ACHE: variants seen among roughly 807,000 people sequenced by gnomAD.
The protein encoded by ACHE is acetylcholinesterase (Yt blood group).
In ACHE, 19 loss-of-function variants were observed where a neutral mutation model predicts 53.9. That is an observed-to-expected ratio of 0.35 (90% CI 0.25 to 0.52). The LOEUF is 0.52. Among genes scored for constraint, ACHE ranks in the 20% least tolerant of loss-of-function variants. The pLI, the probability that ACHE is intolerant of heterozygous loss-of-function variation, is 0.95. For synonymous variants in ACHE, 392 were observed against 378.1 expected (o/e 1.04, Z -0.43); for missense variants, 605 against 849.4 (o/e 0.71, Z 3.58).
rs1017036898 is a variant in ACHE at position 100,890,654 on chromosome 7, G to A, written c.1724-319C>T. On this transcript the variant is annotated intron_variant, in intron 4 of 4. Coordinates refer to ENST00000241069, the MANE Select transcript of ACHE (RefSeq NM_000665.5). The stretch of plus-strand genomic sequence containing the variant: ...GAGACAGAAATGGTTGACCGTTATA[G>A]CCCCAATGGGGGGTGCTACCCCGTC... The A allele has an allele frequency of 3.6e-6, 5 of 1,376,216 alleles. No homozygotes were observed. In the African/African-American group the frequency reaches 7.3e-5, roughly 20 times the overall value. 85.3% of individuals were successfully genotyped at this position (1,376,216 alleles called of 1,614,324 possible).
chr7:100,890,461 C>G (rs1156790447), intron 4 of ACHE, 126 bp from the exon 5 acceptor site: 16 of 1,470,852 alleles, frequency 1.1e-5, no homozygotes, highest in Non-Finnish European at 1.4e-5. Context: ...ATGCAGGCGA[C>G]CACGTGGGAC....
chr7:100,894,344 C>T, intron 1 of ACHE, 92 bp from the exon 2 acceptor site: 2 of 879,032 alleles, frequency 2.3e-6, no homozygotes, highest in Non-Finnish European at 1.6e-6. Flanking sequence ...GGTTATCGCT[C>T]AGCTGCAGAG....
chr7:100,891,890 C>T (rs1790723592), intron 3 of ACHE, among the ~76,000 whole-genome samples: 1 of 151,106 alleles, frequency 6.6e-6, no homozygotes, highest in Non-Finnish European at 1.5e-5. Flanking sequence ...AAGCAATCCT[C>T]CTGCCTCACC....
chr7:100,892,798 C>G lies in ACHE; in HGVS notation c.1089G>C (p.Lys363Asn). The change falls in exon 3 of 5, where the codon AAG (lysine) becomes AAC (asparagine). Residue 363 changes from lysine to asparagine, a missense_variant. Transcript: ENST00000241069. This position sits in a 1 kb window ranked among gnomAD's most constrained non-coding sequence, Gnocchi z 5.2. ...HGLQVLVGVV[K>N]DEGSYFLVYG... ...AAACCAGAAAATACGAGCCCTCATCCTTCACCACACCCACCAGCACCTGGG... is the reference window on the plus strand; with the variant it reads ...AAACCAGAAAATACGAGCCCTCATCGTTCACCACACCCACCAGCACCTGGG... 1 of 1,587,756 alleles carries G rather than the reference C, an allele frequency of 6.3e-7. No individual in the cohort carries two copies. Among genetic ancestry groups the G allele is most frequent in the Non-Finnish European group, 8.5e-7 (1 of 1,170,352 alleles).
In ACHE at chr7:100,894,358, G is replaced by A. The variant is rs1203113543; in HGVS notation, c.-20-106C>T. 6 of 762,004 alleles carry A rather than the reference G, an allele frequency of 7.9e-6. No homozygotes were observed. In the Admixed American group the frequency reaches 1.8e-4, roughly 23 times the overall value. 47.2% of individuals were successfully genotyped at this position (762,004 alleles called of 1,614,324 possible). Reference sequence around the variant, plus strand: ...GGGTTATCGCTCAGCTGCAGAGGAGGTGGGGCAGGTTGGCAAAGATGAGGG... The same window carrying A: ...GGGTTATCGCTCAGCTGCAGAGGAGATGGGGCAGGTTGGCAAAGATGAGGG... On this transcript the variant is annotated intron_variant, in intron 1 of 4. Coordinates refer to ENST00000241069, the MANE Select transcript of ACHE (RefSeq NM_000665.5).
At chr7:100,895,096 C>G (rs1378059288) in intron 1 of ACHE, among the ~76,000 whole-genome samples, 2 of 152,068 alleles carry the variant, frequency 1.3e-5, no homozygotes, top group Admixed American at 1.3e-4. Flanking sequence ...CCTGCGTTCC[C>G]GGGACTCCGG....
rs1790668751 is a variant in ACHE at position 100,891,233 on chromosome 7, C to T, written c.1659G>A (p.Arg553=). 6.2e-7 allele frequency: 1 copy of T among 1,611,520 alleles called. No individual in the cohort carries two copies. Among genetic ancestry groups the T allele is most frequent in the Non-Finnish European group, 8.5e-7 (1 of 1,179,634 alleles). ...AGGCGCAGGCCTGGGCGCGCAGCCCCCGCCGCACCTCCAGCGGCCGCAGGT... is the reference window on the plus strand; with the variant it reads ...AGGCGCAGGCCTGGGCGCGCAGCCCTCGCCGCACCTCCAGCGGCCGCAGGT... ...SLDLRPLEVR[R]GLRAQACAFW... Residue 553 remains arginine (R), a synonymous_variant, in exon 4 of 5, where the codon CGG becomes CGA. Coordinates refer to ENST00000241069, the MANE Select transcript of ACHE (RefSeq NM_000665.5).
Position 100,893,771 on chromosome 7 carries a change from G to A in ACHE, c.462C>T (p.Phe154=). 6.2e-7 allele frequency: 1 copy of A among 1,613,816 alleles called. No individual in the cohort carries two copies. Among genetic ancestry groups the A allele is most frequent in the Non-Finnish European group, 8.5e-7 (1 of 1,180,032 alleles). The change falls in exon 2 of 5, where the codon TTC becomes TTT. Residue 154 remains phenylalanine (F), a synonymous_variant. Coordinates refer to ENST00000241069, the MANE Select transcript of ACHE (RefSeq NM_000665.5). ...CGTCCAAGGAGGAGGCCCCACTGTA[G>A]AAGCCACCCCCATAGATCCAGACGA... is the stretch of plus-strand genomic sequence containing the variant. ...PVLVWIYGGG[F]YSGASSLDVY...
At chr7:100,896,755 G>A, upstream of ACHE, 1 of 324,682 alleles carries the variant, frequency 3.1e-6, no homozygotes, top group Non-Finnish European at 6.6e-6. Flanking sequence ...GCTGGCAGGT[G>A]GGAGCGGCCT....
At chr7:100,890,417 G>A (rs918278413) in intron 4 of ACHE, 82 bp from the exon 5 acceptor site, 33 of 1,538,270 alleles carry the variant, frequency 2.1e-5, no homozygotes, top group Admixed American at 5.8e-5. Flanking sequence ...CGGGTTGAAG[G>A]GGGGGTATGA....
In ACHE at chr7:100,890,438, G is replaced by A. The variant is rs902582981; in HGVS notation, c.1724-103C>T. 3.4e-6 allele frequency: 5 copies of A among 1,490,096 alleles called. No homozygotes were observed. In the African/African-American group the frequency reaches 5.5e-5, roughly 17 times the overall value. 92.3% of individuals were successfully genotyped at this position (1,490,096 alleles called of 1,614,324 possible). On this transcript the variant is annotated intron_variant, in intron 4 of 4. Transcript: ENST00000241069. The stretch of plus-strand genomic sequence containing the variant: ...GAAGGGGGGGTATGAGTGCAGGGAG[G>A]ACGCACGGAGAAATGCAGGCGACCA...
At chr7:100,894,454 T>C in intron 1 of ACHE, 9 of 393,446 alleles carry the variant, frequency 2.3e-5, no homozygotes, top group East Asian at 1.2e-4. Context: ...GGGAAAGAGA[T>C]CAGGCAGACA....
intron 1 of ACHE, 54 bp from the exon 2 acceptor site, chr7:100,894,306 G>A (rs1321752725): frequency 1.5e-6 from 2 of 1,298,918 alleles, no homozygotes; most frequent in Admixed American, 3.3e-5. Flanking sequence ...AGCCAGGAGG[G>A]AGGAGATTAG....
At chr7:100,896,842 C>A, upstream of ACHE, 1 of 197,392 alleles carries the variant, frequency 5.1e-6, no homozygotes, top group Non-Finnish European at 1.1e-5. Flanking sequence ...CAGGAGTTCA[C>A]CCGTGTGGAC....
rs533264163 is a variant in ACHE at position 100,893,406 on chromosome 7, C to T, written c.827G>A (p.Arg276His). 19 of 1,611,774 alleles carry T rather than the reference C, an allele frequency of 1.2e-5. No individual in the cohort carries two copies. Among genetic ancestry groups the T allele is most frequent in the African/African-American group, 4.0e-5 (3 of 74,930 alleles). The change falls in exon 2 of 5, where the codon CGT becomes CAT. Residue 276 changes from arginine (R) to histidine (H), a missense_variant. Around this residue, in one of 4 missense-constraint regions of ACHE, gnomAD observed 397 missense variants for 632.5 expected, o/e 0.63. Coordinates refer to ENST00000241069, the MANE Select transcript of ACHE (RefSeq NM_000665.5). ...GTGGGCCAGCTGCGTGGCCCTGCGA[C>T]GGGCCTCTCCCATGCCCACCGTGGC... ...PWATVGMGEA[R>H]RRATQLAHLV... is the part of the protein sequence containing the mutation.
chr7:100,891,022 G>T, intron 4 of ACHE, 147 bp downstream of exon 4: 1 of 1,456,706 alleles, frequency 6.9e-7, no homozygotes, highest in East Asian at 2.5e-5. Flanking sequence ...GAGGGGCAGG[G>T]GGAGGCCGGG....
intron 1 of ACHE, chr7:100,894,481 T>G (rs1790919729): frequency 2.5e-6 from 1 of 394,388 alleles, no homozygotes. Context: ...TCCAGACAAA[T>G]GCAGGGAACA....
chr7:100,894,492 G>C, intron 1 of ACHE: 1 of 377,960 alleles, frequency 2.6e-6, no homozygotes, highest in Non-Finnish European at 4.7e-6. Flanking sequence ...GCAGGGAACA[G>C]AGAGGAGCAC....
At chr7:100,896,241 C>T (rs1371778762), upstream of ACHE, 1 of 152,276 alleles carries the variant, frequency 6.6e-6, no homozygotes, top group Non-Finnish European at 1.5e-5. Flanking sequence ...CTTTCACAGA[C>T]GGACGGACAC....
Sources: allele counts gnomAD v4.1 joint callset (sites outside exome capture counted in the v4.1 genomes callset), GRCh38; gene constraint gnomAD v4.1.1; regional missense constraint gnomAD v4.1.1; non-coding constraint Gnocchi (gnomAD v3.1); transcripts MANE v1.5; gene names NCBI Gene and HGNC (gene_info 2026-07-23, HGNC 2026-07-21).